Variants in MPP7 observed in about 807,000 individuals in gnomAD.
MPP7 encodes the protein MAGUK p55 subfamily member 7.
MPP7 carries 60 observed loss-of-function variants against 76.5 expected under a neutral mutation model. The observed-to-expected ratio is 0.78, with a 90% confidence interval of 0.64 to 0.97. The LOEUF (loss-of-function observed/expected upper bound fraction) is 0.97. Ranked by LOEUF, MPP7 falls within the 50% of genes least tolerant of loss-of-function variation. The pLI, the probability that MPP7 is intolerant of heterozygous loss-of-function variation, is 0.00. For synonymous variants in MPP7, 237 were observed against 244.5 expected (o/e 0.97, Z 0.29); for missense variants, 641 against 694.0 (o/e 0.92, Z 0.86).
chr10:28,333,697 A>G (rs1834490290), intron 1 of MPP7, among the ~76,000 whole-genome samples: 1 of 152,246 alleles, frequency 6.6e-6, no homozygotes, highest in Admixed American at 6.5e-5. Flanking sequence ...AGTATTTTGC[A>G]GGAAACAGTT....
At chr10:28,166,105 T>C (rs1053554538) in intron 3 of MPP7, among the ~76,000 whole-genome samples, 4 of 151,558 alleles carry the variant, frequency 2.6e-5, no homozygotes, top group African/African-American at 9.7e-5. Context: ...CAAATGAAAT[T>C]TAAATCCTGA....
chr10:28,060,959 T>C (rs368979962), intron 13 of MPP7, among the ~76,000 whole-genome samples: 1 of 152,168 alleles, frequency 6.6e-6, no homozygotes, highest in Non-Finnish European at 1.5e-5. Context: ...ATCTGAACCA[T>C]GCACACAAGT....
At chr10:28,328,095 C>T (rs868607150) in intron 2 of MPP7, among the ~76,000 whole-genome samples, 1 of 152,024 alleles carries the variant, frequency 6.6e-6, no homozygotes, top group African/African-American at 2.4e-5. Context: ...ACTTCTAGTG[C>T]TTCATTAATA....
At chr10:28,162,827 A>G (rs1836307067) in intron 3 of MPP7, among the ~76,000 whole-genome samples, 1 of 152,038 alleles carries the variant, frequency 6.6e-6, no homozygotes, top group Non-Finnish European at 1.5e-5. Flanking sequence ...TTGCAGGTAC[A>G]TGCCTAAGCC....
chr10:28,233,480 G>C lies in MPP7; in HGVS notation c.37+5088C>G, dbSNP rs193082439. ...CCCAGCACTTTGGGAGGCCGAGGCA[G>C]GCGGAATCACAAGGCCAGGAGACCG... On this transcript the variant is annotated intron_variant, in intron 2 of 16. Transcript: ENST00000683449. Among the ~76,000 whole-genome samples the C allele has an allele frequency of 5.1e-3, 782 of 152,168 alleles. 7 individuals carry two copies. Among genetic ancestry groups the C allele is most frequent in the African/African-American group, 0.018 (740 of 41,502 alleles).
intron 2 of MPP7, among the ~76,000 whole-genome samples, chr10:28,325,580 G>C (rs1834403715): frequency 6.6e-6 from 1 of 151,942 alleles, no homozygotes; most frequent in Non-Finnish European, 1.5e-5. Flanking sequence ...TGCAACCTCT[G>C]TCTCCCCGGT....
chr10:28,328,274 G>A (rs893469126), intron 2 of MPP7, among the ~76,000 whole-genome samples: 2 of 151,982 alleles, frequency 1.3e-5, no homozygotes, highest in Non-Finnish European at 2.9e-5. Context: ...TGTTTTTTGA[G>A]GTCTATTTCA....
upstream of MPP7, among the ~76,000 whole-genome samples, chr10:28,334,761 A>G (rs1030827871): frequency 1.3e-5 from 2 of 152,230 alleles, no homozygotes; most frequent in Non-Finnish European, 2.9e-5. Context: ...AGCTAAAGAC[A>G]GAGTGGGATT....
chr10:28,236,889 T>C (rs1588964965), intron 2 of MPP7: 1 of 152,158 alleles, frequency 6.6e-6, no homozygotes, highest in African/African-American at 2.4e-5. Context: ...ACGCCGTACT[T>C]TGCGGCTTCT....
intron 1 of MPP7, among the ~76,000 whole-genome samples, chr10:28,275,357 C>T (rs1202031816): frequency 6.6e-6 from 1 of 152,050 alleles, no homozygotes; most frequent in East Asian, 1.9e-4. Flanking sequence ...TCCTATCTCT[C>T]CCTTACCTCT....
intron 1 of MPP7, chr10:28,254,937 T>C (rs1339685144): frequency 6.6e-6 from 1 of 152,156 alleles, no homozygotes; most frequent in East Asian, 1.9e-4. Flanking sequence ...CTACAGACCG[T>C]GGATGTGAAA....
intron 2 of MPP7, among the ~76,000 whole-genome samples, chr10:28,312,619 G>A (rs1345610974): frequency 6.6e-6 from 1 of 152,116 alleles, no homozygotes; most frequent in Non-Finnish European, 1.5e-5. Context: ...TTTGTAACAC[G>A]TATAATTGGA....
At chr10:28,091,445 G>A (rs532927924) in intron 11 of MPP7, among the ~76,000 whole-genome samples, 10 of 152,008 alleles carry the variant, frequency 6.6e-5, no homozygotes, top group East Asian at 2.0e-4. Flanking sequence ...ATGCCATCAC[G>A]CCCGGCTAAC....
At chr10:28,171,758 T>C (rs1836688831) in intron 3 of MPP7, among the ~76,000 whole-genome samples, 1 of 152,188 alleles carries the variant, frequency 6.6e-6, no homozygotes, top group Admixed American at 6.5e-5. Flanking sequence ...TGGATTATGG[T>C]ATCAAACGCC....
At chr10:28,322,928 C>G (rs950091624) in intron 2 of MPP7, among the ~76,000 whole-genome samples, 1 of 152,086 alleles carries the variant, frequency 6.6e-6, no homozygotes, top group Admixed American at 6.6e-5. Flanking sequence ...TCGAGACAGG[C>G]AGATTGCTTG....
chr10:28,268,598 G>A (rs920365856), intron 1 of MPP7, among the ~76,000 whole-genome samples: 9 of 151,968 alleles, frequency 5.9e-5, no homozygotes, highest in Non-Finnish European at 1.3e-4. Context: ...CGGGTGTGGT[G>A]GTGCACACCT....
intron 12 of MPP7, among the ~76,000 whole-genome samples, chr10:28,086,389 G>C (rs543653886): frequency 5.3e-5 from 8 of 152,130 alleles, no homozygotes; most frequent in Admixed American, 3.3e-4. Context: ...TTCAGAATTC[G>C]GGTACCAGGA....
chr10:28,189,083 T>C (rs1564688537), intron 3 of MPP7, among the ~76,000 whole-genome samples: 1 of 152,208 alleles, frequency 6.6e-6, no homozygotes, highest in Non-Finnish European at 1.5e-5. Context: ...TTTTATTTGT[T>C]TTATTCTTAA....
At chr10:28,116,633 T>A (rs1037989715) in intron 11 of MPP7, among the ~76,000 whole-genome samples, 2 of 152,130 alleles carry the variant, frequency 1.3e-5, no homozygotes, top group African/African-American at 4.8e-5. Flanking sequence ...ATTACAAATA[T>A]CTTTGTTCGG....
Sources: gnomAD v4.1 joint callset for allele counts (sites outside exome capture counted in the v4.1 genomes callset) on GRCh38, gnomAD v4.1.1 for gene constraint, MANE v1.5 for transcripts, NCBI Gene and HGNC (gene_info 2026-07-23, HGNC 2026-07-21) for gene names.